Variants in YWHAE observed in about 807,000 individuals in gnomAD.
YWHAE encodes tyrosine 3-monooxygenase/tryptophan 5-monooxygenase activation protein epsilon, also known as 14-3-3 protein epsilon.
In YWHAE, 4 loss-of-function variants were observed where a neutral mutation model predicts 30.1. The observed-to-expected ratio is 0.13, with a 90% CI of 0.07 to 0.30. The LOEUF (loss-of-function observed/expected upper bound fraction) is 0.30, where lower values mean the gene tolerates loss of function less well. YWHAE is among the 10% of genes least tolerant of loss of function. The pLI is 1.00. For missense variants in YWHAE, 121 were observed against 315.9 expected, an observed-to-expected ratio of 0.38 and a Z score of 4.68; for synonymous variants, 118 against 111.8, an observed-to-expected ratio of 1.06 and a Z score of -0.35.
At chr17:1,358,603 G>A (rs2072800571) in intron 4 of YWHAE, among the ~76,000 whole-genome samples, 1 of 151,800 alleles carries the variant, frequency 6.6e-6, no homozygotes, top group Admixed American at 6.5e-5. Flanking sequence ...ACTTTGGGAG[G>A]GAGGCTGAGG....
At chr17:1,398,057 C>T (rs1883819939) in intron 1 of YWHAE, among the ~76,000 whole-genome samples, 1 of 152,170 alleles carries the variant, frequency 6.6e-6, no homozygotes, top group Non-Finnish European at 1.5e-5. Context: ...GCTTTCAAAT[C>T]AGTTTTTTAA....
At position 1,345,459 on chromosome 17, in the gene YWHAE, G is replaced by C; in HGVS notation, c.756C>G (p.Asp252Glu). The C allele has an allele frequency of 6.2e-7, 1 of 1,613,630 alleles. No individual in the cohort carries two copies. The highest frequency in any genetic ancestry group is 8.5e-7 in the Non-Finnish European group (1 of 1,179,828). ...QNKEALQDVE[D>E]ENQ ...GTTGGCTTATGTCTCACTGATTTTC[G>C]TCTTCCACGTCCTGCAGCGCTTCTT... Residue 252 changes from aspartate to glutamate, a missense_variant, in exon 6 of 6, where the codon GAC becomes GAG. Transcript: ENST00000264335.
intron 4 of YWHAE, among the ~76,000 whole-genome samples, chr17:1,359,132 C>A (rs2072811449): frequency 1.3e-5 from 2 of 151,196 alleles, no homozygotes; most frequent in Non-Finnish European, 2.9e-5. Flanking sequence ...CCAGGCTCTC[C>A]CTCAAAAAAA....
intron 1 of YWHAE, among the ~76,000 whole-genome samples, chr17:1,367,415 C>A (rs1244845046): frequency 6.6e-6 from 1 of 152,102 alleles, no homozygotes; most frequent in Admixed American, 6.6e-5. Flanking sequence ...CCAACCTGGG[C>A]AACATGGTGA....
chr17:1,345,653 G>A (rs920307338), intron 5 of YWHAE, among the ~76,000 whole-genome samples, 154 bp from the exon 6 acceptor site: 2 of 152,118 alleles, frequency 1.3e-5, no homozygotes, highest in Non-Finnish European at 2.9e-5. Flanking sequence ...CTTGACACCT[G>A]AGATGCCTAA....
chr17:1,360,153 A>T (rs777168052), intron 4 of YWHAE, among the ~76,000 whole-genome samples: 2 of 151,984 alleles, frequency 1.3e-5, no homozygotes, highest in Non-Finnish European at 2.9e-5. Flanking sequence ...ATAGAGACAG[A>T]GTTTCACCAT....
chr17:1,345,619 C>G, intron 5 of YWHAE, 120 bp from the exon 6 acceptor site: 1 of 1,047,736 alleles, frequency 9.5e-7, no homozygotes, highest in Non-Finnish European at 1.4e-6. Flanking sequence ...TGGTATTAAA[C>G]GCAGGCAAAG....
intron 4 of YWHAE, among the ~76,000 whole-genome samples, chr17:1,355,020 G>A (rs1168215309): frequency 9.0e-6 from 1 of 111,130 alleles, no homozygotes; most frequent in East Asian, 3.0e-4. Flanking sequence ...ATGTTGCCCA[G>A]GCTGGACTTG....
intron 1 of YWHAE, among the ~76,000 whole-genome samples, chr17:1,369,470 G>A (rs184610056): frequency 6.6e-6 from 1 of 152,194 alleles, no homozygotes; most frequent in African/African-American, 2.4e-5. Flanking sequence ...CTACAGCCTG[G>A]GTAACAGAGA....
intron 1 of YWHAE, among the ~76,000 whole-genome samples, chr17:1,365,675 C>A (rs186876372): frequency 6.6e-6 from 1 of 152,134 alleles, no homozygotes; most frequent in Non-Finnish European, 1.5e-5. Context: ...GGAAACACAA[C>A]GGCGTGTGAA....
rs1026668047 is a variant in YWHAE at position 1,373,891 on chromosome 17, T to A, written c.65-8833A>T. The stretch of plus-strand genomic sequence containing the variant: ...AGTATGGAGCCTCCCATGACTGGCT[T>A]CTTTCCCAACACAACCTACCGTATG... On this transcript the variant is annotated intron_variant, in intron 1 of 5. Coordinates refer to ENST00000264335, the MANE Select transcript of YWHAE (RefSeq NM_006761.5). 3.9e-5 allele frequency among the ~76,000 whole-genome samples: 6 copies of A among 152,112 alleles called. 1 individual carries two copies. The highest frequency in any genetic ancestry group is 1.4e-4 in the African/African-American group (6 of 41,432).
At chr17:1,391,052 A>G (rs1353307802) in intron 1 of YWHAE, among the ~76,000 whole-genome samples, 1 of 151,986 alleles carries the variant, frequency 6.6e-6, no homozygotes, top group East Asian at 1.9e-4. Context: ...AGCTTAGGAC[A>G]CTGCTACCAA....
chr17:1,398,341 C>CTCT (rs75078124), intron 1 of YWHAE, among the ~76,000 whole-genome samples: 2 of 148,500 alleles, frequency 1.3e-5, no homozygotes, highest in African/African-American at 2.5e-5. Context: ...TTATCCCCCC[C>CTCT]CCCAACAGGA....
At position 1,385,215 on chromosome 17, in the gene YWHAE, G is replaced by A. The variant is rs527456885; in HGVS notation, c.64+14832C>T. Reference sequence around the variant, plus strand: ...TTGGCAGCATTCTGAAACCAGAAAAGTTAAAGGTTAAGAAAAAATCTGCAG... The same window carrying A: ...TTGGCAGCATTCTGAAACCAGAAAAATTAAAGGTTAAGAAAAAATCTGCAG... On this transcript the variant is annotated intron_variant, in intron 1 of 5. Transcript: ENST00000264335. 5.4e-5 allele frequency among the ~76,000 whole-genome samples: 8 copies of A among 148,796 alleles called. No homozygotes were observed. The East Asian group carries it at 1.6e-3, about 29-fold the overall frequency.
chr17:1,360,529 A>G (rs2072848089), intron 4 of YWHAE, among the ~76,000 whole-genome samples: 1 of 152,140 alleles, frequency 6.6e-6, no homozygotes, highest in South Asian at 2.1e-4. Context: ...TGGGAGGCGA[A>G]GGCGGGCGGA....
chr17:1,345,142 G>A lies in YWHAE; in HGVS notation c.*305C>T. 7.2e-6 allele frequency: 3 copies of A among 419,344 alleles called. 1 individual carries two copies. The South Asian group carries it at 1.3e-4, about 18-fold the overall frequency. The allele number at this position is 419,344 out of a possible 1,614,324, so 26.0% of individuals were successfully genotyped here. A position where few individuals can be genotyped will look rare whatever the true frequency, so the allele number is the denominator to read the frequency against. ...AATGTAATTTCCATTTGCTAATGGT[G>A]ATCTTGCCACATCTGGCACGGAGAC... On this transcript the variant is annotated 3_prime_UTR_variant, in exon 6 of 6. Coordinates refer to ENST00000264335, the MANE Select transcript of YWHAE (RefSeq NM_006761.5).
chr17:1,374,580 G>A (rs893880071), intron 1 of YWHAE, among the ~76,000 whole-genome samples: 2 of 152,186 alleles, frequency 1.3e-5, no homozygotes, highest in African/African-American at 2.4e-5. Context: ...ATCTGGCCAC[G>A]TCCTCAGGAA....
intron 2 of YWHAE, among the ~76,000 whole-genome samples, chr17:1,363,359 G>A (rs879288417): frequency 2.0e-5 from 3 of 152,142 alleles, no homozygotes; most frequent in Non-Finnish European, 2.9e-5. Context: ...TCCACCTCCT[G>A]GGTTCAAGCG....
chr17:1,345,504 TAAAAA>T lies in YWHAE; in HGVS notation c.716-10_716-6del. ...CTTCTTTATTCTGCTCTTCACCTGT[TAAAAA>T]AGAAAAAAAGTCAATTATTTCGTAT... On this transcript the variant is annotated splice_region_variant and splice_polypyrimidine_tract_variant and intron_variant, in intron 5 of 5. Coordinates refer to ENST00000264335, the MANE Select transcript of YWHAE (RefSeq NM_006761.5). 1.2e-6 allele frequency: 2 copies of T among 1,613,074 alleles called. No homozygotes were observed. Among genetic ancestry groups the T allele is most frequent in the Non-Finnish European group, 1.7e-6 (2 of 1,179,686 alleles).
Sources: allele counts gnomAD v4.1 joint callset (sites outside exome capture counted in the v4.1 genomes callset), GRCh38; gene constraint gnomAD v4.1.1; transcripts MANE v1.5; gene names NCBI Gene and HGNC (gene_info 2026-07-23, HGNC 2026-07-21).